ZNF202: variants seen among roughly 807,000 people sequenced by gnomAD.
ZNF202 encodes the protein zinc finger protein with KRAB and SCAN domains 10.
A neutral mutation model predicts 54.5 loss-of-function variants in ZNF202; 22 were observed. The ratio of observed to expected loss-of-function variants is 0.40; its 90% confidence interval spans 0.29 to 0.58. ZNF202 has a LOEUF of 0.58. ZNF202 is among the 20% of genes least tolerant of loss of function. The pLI, the probability that ZNF202 is intolerant of heterozygous loss-of-function variation, is 0.39. For missense variants in ZNF202, 644 were observed against 805.5 expected (o/e 0.80, Z 2.43); for synonymous variants, 294 against 301.4 (o/e 0.98, Z 0.26).
chr11:123,730,409 C>T lies in ZNF202; in HGVS notation c.402+78G>A. On this transcript the variant is annotated intron_variant, in intron 4 of 8. Transcript: ENST00000530393. The surrounding 1 kb of genome is among the most constrained non-coding windows in gnomAD (Gnocchi z 6.0). ...CCACTAATAATTTATGGGGATCCTG[C>T]AAGCTCTCCCCGCAAATCCAGCCTT... is the stretch of plus-strand genomic sequence containing the variant. 1 of 1,472,560 alleles carries T rather than the reference C, an allele frequency of 6.8e-7. No homozygotes were observed. The highest frequency in any genetic ancestry group is 9.0e-7 in the Non-Finnish European group (1 of 1,112,708). 91.2% of individuals were successfully genotyped at this position (1,472,560 alleles called of 1,614,324 possible). A position where few individuals can be genotyped will look rare whatever the true frequency, so the allele number is the denominator to read the frequency against.
rs373471506 is a variant in ZNF202, at chr11:123,728,087, A to G, written c.832+46T>C. ...ATCCCCCAAAATTTCCAGCAGGAAA[A>G]AGATCTCTGGGCTTAGAACACTCTA... On this transcript the variant is annotated intron_variant, in intron 7 of 8. Coordinates refer to ENST00000530393, the MANE Select transcript of ZNF202 (RefSeq NM_003455.4). 7.2e-5 allele frequency: 113 copies of G among 1,577,736 alleles called. 1 individual carries two copies. In the South Asian group the frequency reaches 1.2e-3, roughly 16 times the overall value.
intron 3 of ZNF202, 115 bp from the exon 4 acceptor site, chr11:123,731,100 T>C (rs1449197792): frequency 1.2e-5 from 6 of 508,608 alleles, no homozygotes; most frequent in Non-Finnish European, 2.0e-5. Context: ...TTAAATCCTC[T>C]TTTCCCCAAC....
intron 5 of ZNF202, 51 bp downstream of exon 5, chr11:123,729,564 C>T: frequency 6.8e-7 from 1 of 1,470,976 alleles, no homozygotes. Context: ...AAATGTCCCC[C>T]TCCTTGCCTG....
At chr11:123,734,234 T>C (rs1861538470) in intron 3 of ZNF202, among the ~76,000 whole-genome samples, 1 of 152,134 alleles carries the variant, frequency 6.6e-6, no homozygotes, top group Admixed American at 6.5e-5. Context: ...TAGCTCCACC[T>C]GCAATACTCC....
intron 5 of ZNF202, 76 bp from the exon 6 acceptor site, chr11:123,729,290 C>A: frequency 7.0e-7 from 1 of 1,438,774 alleles, no homozygotes; most frequent in Non-Finnish European, 9.5e-7. Context: ...GCATCCCCCA[C>A]CATCTTTGGT....
chr11:123,726,176 C>G lies in ZNF202; in HGVS notation c.1768G>C (p.Val590Leu). Residue 590 changes from valine (V) to leucine (L), a missense_variant, in exon 9 of 9, where the codon GTG (valine) becomes CTG (leucine). By Grantham distance (32) the Val-to-Leu change is conservative. Transcript: ENST00000530393. This position sits in a 1 kb window ranked among gnomAD's most constrained non-coding sequence, Gnocchi z 6.0. The part of the protein sequence containing the change: ...FAKHLRGHAS[V>L]RPCRCNECGK... ...CATTCGTTGCATCGGCAGGGCCTCACTGAGGCGTGTCCTCTCAAGTGCTTG... is the reference window on the plus strand; with the variant it reads ...CATTCGTTGCATCGGCAGGGCCTCAGTGAGGCGTGTCCTCTCAAGTGCTTG... 6.2e-7 allele frequency: 1 copy of G among 1,614,234 alleles called. No homozygotes were observed. Among genetic ancestry groups the G allele is most frequent in the Non-Finnish European group, 8.5e-7 (1 of 1,180,036 alleles).
rs181680616 is a variant in ZNF202, at chr11:123,730,218, G to A, written c.402+269C>T. Among the ~76,000 whole-genome samples, 73 of 152,192 alleles carry A rather than the reference G, an allele frequency of 4.8e-4. No individual in the cohort carries two copies. The highest frequency in any genetic ancestry group is 1.4e-3 in the African/African-American group (58 of 41,526). Reference sequence around the variant, plus strand: ...AAAATTCTCCTCTCCAGGAACCCACGGCTCAACATTCAAAGAAGGGAAAAC... The same window carrying A: ...AAAATTCTCCTCTCCAGGAACCCACAGCTCAACATTCAAAGAAGGGAAAAC... On this transcript the variant is annotated intron_variant, in intron 4 of 8. Coordinates refer to ENST00000530393, the MANE Select transcript of ZNF202 (RefSeq NM_003455.4). This position sits in a 1 kb window ranked among gnomAD's most constrained non-coding sequence, Gnocchi z 6.0.
At position 123,729,694 on chromosome 11, in the gene ZNF202, G is replaced by A. The variant is rs1861319725; in HGVS notation, c.534C>T (p.Thr178=). Residue 178 remains threonine (T), a synonymous_variant, in exon 5 of 9, where the codon ACC becomes ACT. Transcript: ENST00000530393. ...SSTPEQSPEE[T]TQSPDLGAPA... ...GTGCCCCCAGATCTGGGCTCTGTGT[G>A]GTTTCCTCAGGAGACTGCTCGGGGG... 1.9e-6 allele frequency: 3 copies of A among 1,613,500 alleles called. No individual in the cohort carries two copies. The highest frequency in any genetic ancestry group is 2.5e-6 in the Non-Finnish European group (3 of 1,179,810).
In ZNF202 at chr11:123,729,146, G is replaced by C. The variant is rs1304682409; in HGVS notation, c.682C>G (p.Leu228Val). 1.9e-6 allele frequency: 3 copies of C among 1,614,028 alleles called. No individual in the cohort carries two copies. In the South Asian group the frequency reaches 3.3e-5, roughly 18 times the overall value. Reference sequence around the variant, plus strand: ...CACACCTGTGACAGAGCAGTAAGAAGAGCAACCATCTCTGAGTCTCCAGAG... The same window carrying C: ...CACACCTGTGACAGAGCAGTAAGAACAGCAACCATCTCTGAGTCTCCAGAG... ...RSSGDSEMVA[L>V]LTALSQGLVT... Residue 228 changes from leucine to valine, a missense_variant, in exon 6 of 9, where the codon CTT (leucine) becomes GTT (valine). Leu to Val is a conservative substitution (Grantham distance 32). Coordinates refer to ENST00000530393, the MANE Select transcript of ZNF202 (RefSeq NM_003455.4).
At chr11:123,732,792 T>C (rs1360782177) in intron 3 of ZNF202, among the ~76,000 whole-genome samples, 1 of 152,204 alleles carries the variant, frequency 6.6e-6, no homozygotes, top group Non-Finnish European at 1.5e-5. Flanking sequence ...CTTCTTCCTA[T>C]GGTAACAGGA....
At chr11:123,731,491 T>A (rs1144505) in intron 3 of ZNF202, among the ~76,000 whole-genome samples, 107,282 of 152,136 alleles carry the variant, frequency 0.71, 38,146 homozygotes, top group Middle Eastern at 0.82. Flanking sequence ...GAGATGCTAC[T>A]TGCAGTTCGA....
intron 3 of ZNF202, among the ~76,000 whole-genome samples, chr11:123,737,027 A>T (rs1340223852): frequency 1.3e-5 from 2 of 152,216 alleles, no homozygotes; most frequent in African/African-American, 4.8e-5. Context: ...CTATTGTTAT[A>T]TCAAAGAAAC....
Position 123,729,797 on chromosome 11 carries a change from A to C in ZNF202, c.431T>G (p.Val144Gly). 6.2e-7 allele frequency: 1 copy of C among 1,611,596 alleles called. No homozygotes were observed. Among genetic ancestry groups the C allele is most frequent in the Non-Finnish European group, 8.5e-7 (1 of 1,178,814 alleles). Reference sequence around the variant, plus strand: ...TAAATGCACCGTCTCCTCTGACAGGACTTCCTGGCCGTGAACATGGACAGT... The same window carrying C: ...TAAATGCACCGTCTCCTCTGACAGGCCTTCCTGGCCGTGAACATGGACAGT... ...WVTVHVHGQE[V>G]LSEETVHLGV... The change falls in exon 5 of 9, where the codon GTC becomes GGC. Residue 144 changes from valine to glycine, a missense_variant. Coordinates refer to ENST00000530393, the MANE Select transcript of ZNF202 (RefSeq NM_003455.4).
chr11:123,735,544 A>G (rs752687420), intron 3 of ZNF202, among the ~76,000 whole-genome samples: 1 of 152,174 alleles, frequency 6.6e-6, no homozygotes, highest in Non-Finnish European at 1.5e-5. Context: ...AGAGATGGGA[A>G]ATGAATAGGA....
chr11:123,734,783 G>A (rs1044462061), intron 3 of ZNF202, among the ~76,000 whole-genome samples: 3 of 152,138 alleles, frequency 2.0e-5, no homozygotes, highest in Admixed American at 1.3e-4. Context: ...TTAAAAGTCT[G>A]TTTCCAGAAG....
intron 5 of ZNF202, 90 bp downstream of exon 5, chr11:123,729,525 G>C (rs1360096466): frequency 4.1e-5 from 56 of 1,381,206 alleles, no homozygotes; most frequent in Non-Finnish European, 5.4e-5. Flanking sequence ...TATCTACCCA[G>C]CTTCCTTGGT....
chr11:123,729,532 T>C (rs1861307088), intron 5 of ZNF202, 83 bp downstream of exon 5: 2 of 1,388,118 alleles, frequency 1.4e-6, no homozygotes, highest in Non-Finnish European at 1.9e-6. Flanking sequence ...CCAGCTTCCT[T>C]GGTATAGGAG....
At position 123,729,727 on chromosome 11, in the gene ZNF202, T is replaced by G; in HGVS notation, c.501A>C (p.Gln167His). 2 of 1,613,904 alleles carry G rather than the reference T, an allele frequency of 1.2e-6. No homozygotes were observed. Among genetic ancestry groups the G allele is most frequent in the Non-Finnish European group, 1.7e-6 (2 of 1,179,970 alleles). Residue 167 changes from glutamine to histidine, a missense_variant, in exon 5 of 9, where the codon CAA becomes CAC. Physicochemically the swap from Gln to His is conservative, Grantham distance 24. This residue lies in a region of ZNF202 where 536 missense variants were observed against 635.3 expected (regional missense o/e 0.84). Transcript: ENST00000530393. ...ESPNELQDPV[Q>H]SSTPEQSPEE... ...CAGGAGACTGCTCGGGGGTCGAGCT[T>G]TGCACAGGATCCTGCAGCTCATTAG...
chr11:123,730,163 G>A lies in ZNF202; in HGVS notation c.402+324C>T, dbSNP rs963272238. ...AGCCAGGAAGGGGGATCTGTGACTG[G>A]GGATCTATGAGAACCTTCGAGGAAG... On this transcript the variant is annotated intron_variant, in intron 4 of 8. Transcript: ENST00000530393. This position sits in a 1 kb window ranked among gnomAD's most constrained non-coding sequence, Gnocchi z 6.0. 6.6e-6 allele frequency among the ~76,000 whole-genome samples: 1 copy of A among 152,072 alleles called. No individual in the cohort carries two copies. Among genetic ancestry groups the A allele is most frequent in the Non-Finnish European group, 1.5e-5 (1 of 67,996 alleles).
Sources: gnomAD v4.1 joint callset for allele counts (sites outside exome capture counted in the v4.1 genomes callset) on GRCh38, gnomAD v4.1.1 for gene constraint, gnomAD v4.1.1 regional missense constraint, Gnocchi (gnomAD v3.1) non-coding constraint, MANE v1.5 for transcripts, NCBI Gene and HGNC (gene_info 2026-07-23, HGNC 2026-07-21) for gene names.